MAPK6: variants seen among roughly 807,000 people sequenced by gnomAD.
The protein encoded by MAPK6 is mitogen-activated protein kinase 6.
In MAPK6, 19 loss-of-function variants were observed where a neutral mutation model predicts 59.3. The ratio of observed to expected loss-of-function variants is 0.32; its 90% CI spans 0.22 to 0.47. The LOEUF (loss-of-function observed/expected upper bound fraction) is 0.47. Among genes scored for constraint, MAPK6 ranks in the 20% least tolerant of loss-of-function variants. MAPK6 has a pLI of 1.00. For synonymous variants in MAPK6, 316 were observed against 290.3 expected (o/e 1.09, Z -0.90); for missense variants, 724 against 847.9 (o/e 0.85, Z 1.81).
intron 2 of MAPK6, among the ~76,000 whole-genome samples, chr15:52,048,105 C>T (rs1006517221): frequency 1.3e-5 from 2 of 152,110 alleles, no homozygotes; most frequent in African/African-American, 4.8e-5. Flanking sequence ...ATGCCTAAGA[C>T]AAATCTTCAT....
intron 1 of MAPK6, among the ~76,000 whole-genome samples, chr15:52,044,179 G>T (rs896117146): frequency 2.0e-5 from 3 of 151,748 alleles, no homozygotes; most frequent in South Asian, 2.1e-4. Context: ...TTTTTTTTTG[G>T]GGGGGCGGGC....
At chr15:51,992,225 T>C (rs2057211220) in intron 2 of MAPK6, among the ~76,000 whole-genome samples, 1 of 151,812 alleles carries the variant, frequency 6.6e-6, no homozygotes, top group African/African-American at 2.4e-5. Flanking sequence ...CCCAAAGTGG[T>C]GGGCTTACAG....
intron 1 of MAPK6, among the ~76,000 whole-genome samples, chr15:52,037,061 CTT>C (rs1441405911): frequency 6.6e-6 from 1 of 152,066 alleles, no homozygotes; most frequent in Non-Finnish European, 1.5e-5. Context: ...CTTTGGAAGA[CTT>C]AGGTGGGAGG....
chr15:52,016,221 C>T (rs2030265534), upstream of MAPK6, among the ~76,000 whole-genome samples: 1 of 151,390 alleles, frequency 6.6e-6, no homozygotes, highest in South Asian at 2.1e-4. Flanking sequence ...GAAACCCCGT[C>T]TCTACTAAAA....
chr15:52,041,781 T>C (rs2031426048), intron 1 of MAPK6, among the ~76,000 whole-genome samples: 1 of 152,194 alleles, frequency 6.6e-6, no homozygotes, highest in South Asian at 2.1e-4. Flanking sequence ...TTTTTATGGC[T>C]ACCAGGCACA....
At chr15:51,988,744 A>G (rs1007357052) in intron 2 of MAPK6, among the ~76,000 whole-genome samples, 3 of 149,854 alleles carry the variant, frequency 2.0e-5, no homozygotes, top group African/African-American at 7.3e-5. Context: ...AAAAAAATAC[A>G]CACACACACA....
chr15:52,029,182 C>T (rs1335477952), intron 1 of MAPK6, among the ~76,000 whole-genome samples: 4 of 152,118 alleles, frequency 2.6e-5, no homozygotes, highest in South Asian at 2.1e-4. Flanking sequence ...GGATTACAGG[C>T]GCACACCACC....
chr15:52,007,703 C>CAAAAAAA (rs72079500), intron 3 of MAPK6, among the ~76,000 whole-genome samples: 1 of 126,124 alleles, frequency 7.9e-6, no homozygotes, highest in Non-Finnish European at 1.7e-5. Context: ...AGCTCTATCT[C>CAAAAAAA]AAAAAAAAAA....
chr15:51,979,954 T>C (rs949415062), intron 1 of MAPK6, among the ~76,000 whole-genome samples: 1 of 151,746 alleles, frequency 6.6e-6, no homozygotes, highest in Non-Finnish European at 1.5e-5. Context: ...CTTTACACTC[T>C]GTACCTTTTG....
chr15:52,055,198 A>G (rs919022623), intron 3 of MAPK6, among the ~76,000 whole-genome samples: 8 of 152,222 alleles, frequency 5.3e-5, no homozygotes, highest in Admixed American at 3.3e-4. Context: ...ACTTGAGCCC[A>G]GGAGTTAGAG....
At position 52,050,273 on chromosome 15, in the gene MAPK6, T is replaced by C; in HGVS notation, c.700+136T>C. 3.8e-6 allele frequency: 3 copies of C among 783,794 alleles called. No individual in the cohort carries two copies. In the East Asian group the frequency reaches 9.1e-5, roughly 24 times the overall value. 48.6% of individuals were successfully genotyped at this position (783,794 alleles called of 1,614,324 possible). A position where few individuals can be genotyped will look rare whatever the true frequency, so the allele number is the denominator to read the frequency against. ...TAAAATGAACAGATAAATTGGCGTT[T>C]TTAATAAAAAAATTGAGAAAACTTA... On this transcript the variant is annotated intron_variant, in intron 3 of 5. Coordinates refer to ENST00000261845, the MANE Select transcript of MAPK6 (RefSeq NM_002748.4).
intron 3 of MAPK6, among the ~76,000 whole-genome samples, chr15:52,052,138 G>A (rs1461897363): frequency 6.6e-6 from 1 of 152,150 alleles, no homozygotes; most frequent in Non-Finnish European, 1.5e-5. Context: ...ATATGGGAGT[G>A]GTTTAGCTGG....
chr15:52,002,132 CT>C (rs1270528604), intron 2 of MAPK6, among the ~76,000 whole-genome samples: 4 of 152,206 alleles, frequency 2.6e-5, no homozygotes, highest in Admixed American at 6.5e-5. Flanking sequence ...CTGGTGTTTA[CT>C]CTCTCGGCCT....
At chr15:51,985,156 A>G (rs1394207939) in intron 2 of MAPK6, among the ~76,000 whole-genome samples, 2 of 152,198 alleles carry the variant, frequency 1.3e-5, no homozygotes, top group East Asian at 3.9e-4. Context: ...ACGCTGGGGA[A>G]CATAGTGAGA....
chr15:52,024,280 G>A (rs956209198), intron 1 of MAPK6, among the ~76,000 whole-genome samples: 1 of 152,158 alleles, frequency 6.6e-6, no homozygotes, highest in African/African-American at 2.4e-5. Flanking sequence ...GGTACTGAAA[G>A]TGTGATTTCT....
intron 2 of MAPK6, among the ~76,000 whole-genome samples, chr15:51,989,946 T>C (rs182920255): frequency 9.6e-4 from 146 of 152,314 alleles, no homozygotes; most frequent in Non-Finnish European, 1.6e-3. Context: ...TGTCTAGCAA[T>C]GTCTAGCAGG....
At chr15:51,996,836 G>T (rs906395957) in intron 2 of MAPK6, among the ~76,000 whole-genome samples, 2 of 151,900 alleles carry the variant, frequency 1.3e-5, no homozygotes, top group Non-Finnish European at 2.9e-5. Context: ...AGGACTATAG[G>T]TATGTGCCAC....
chr15:51,998,239 G>A (rs1201009027), intron 2 of MAPK6, among the ~76,000 whole-genome samples: 1 of 151,246 alleles, frequency 6.6e-6, no homozygotes, highest in Non-Finnish European at 1.5e-5. Context: ...ACTGCACCCA[G>A]CCTAAAGTTA....
In MAPK6 at chr15:52,046,892, C is replaced by T. The variant is rs1168075593; in HGVS notation, c.432C>T (p.His144=). 2.5e-6 allele frequency: 4 copies of T among 1,614,078 alleles called. No homozygotes were observed. The highest frequency in any genetic ancestry group is 2.2e-5 in the South Asian group (2 of 91,066). ...YQLLRGLKYI[H]SANVLHRDLK... ...TGCTACGGGGGCTCAAGTATATTCACTCTGCAAATGTACTGCACAGAGATC... is the reference window on the plus strand; with the variant it reads ...TGCTACGGGGGCTCAAGTATATTCATTCTGCAAATGTACTGCACAGAGATC... Residue 144 remains histidine, a synonymous_variant, in exon 2 of 6, where the codon CAC becomes CAT. Transcript: ENST00000261845.
Sources: gnomAD v4.1 joint callset for allele counts (sites outside exome capture counted in the v4.1 genomes callset) on GRCh38, gnomAD v4.1.1 for gene constraint, MANE v1.5 for transcripts, NCBI Gene and HGNC (gene_info 2026-07-23, HGNC 2026-07-21) for gene names.